The following KCND1 variants were observed in gnomAD, a reference collection of about 807,000 sequenced individuals.
The protein encoded by KCND1 is A-type voltage-gated potassium channel KCND1.
KCND1 carries 11 observed loss-of-function variants against 31.8 expected under a neutral mutation model. That is an observed-to-expected ratio of 0.35 (90% CI 0.22 to 0.57). KCND1 has a LOEUF of 0.57. Among genes scored for constraint, KCND1 ranks in the 20% least tolerant of loss-of-function variants. KCND1 has a pLI of 0.85. For synonymous variants in KCND1, 234 were observed against 248.1 expected, an observed-to-expected ratio of 0.94 and a Z score of 0.53; for missense variants, 471 against 596.8, an observed-to-expected ratio of 0.79 and a Z score of 2.20.
rs1175763024 is a variant in KCND1, at chrX:48,961,544, G to A, written c.*1037C>T. The A allele has an allele frequency of 2.7e-5, 3 of 112,657 alleles. No individual in the cohort carries two copies. The highest frequency in any genetic ancestry group is 1.9e-4 in the Admixed American group (2 of 10,660). 9.3% of individuals were successfully genotyped at this position (112,657 alleles called of 1,213,427 possible). A position where few individuals can be genotyped will look rare whatever the true frequency, so the allele number is the denominator to read the frequency against. On this transcript the variant is annotated 3_prime_UTR_variant, in exon 6 of 6. Coordinates refer to ENST00000218176, the MANE Select transcript of KCND1 (RefSeq NM_004979.6). ...CAAGAGGGAGAAGAAAGGAATATGT[G>A]AAAAGGAATTGTAGGGGAGGAGGAG...
At position 48,970,572 on chromosome X, in the gene KCND1, G is replaced by A; in HGVS notation, c.-301C>T. On this transcript the variant is annotated 5_prime_UTR_variant, in exon 1 of 6. Coordinates refer to ENST00000218176, the MANE Select transcript of KCND1 (RefSeq NM_004979.6). ...TGGGGCCAAGAAGGAGCTGAGGGAG[G>A]GTTTAGAGAGACTGAGATGATTCTA... The A allele has an allele frequency of 7.2e-6, 2 of 277,005 alleles. No homozygotes were observed. The highest frequency in any genetic ancestry group is 1.3e-5 in the Non-Finnish European group (2 of 159,145). The allele number at this position is 277,005 out of a possible 1,213,427, so 22.8% of individuals were successfully genotyped here.
chrX:48,968,124 T>C (rs1464521760), intron 1 of KCND1: 1 of 111,719 alleles, frequency 9.0e-6, no homozygotes, highest in African/African-American at 3.3e-5. Context: ...CTTTTTTTTG[T>C]ACCTCTATGA....
chrX:48,964,012 T>A (rs943417700), intron 5 of KCND1, among the ~76,000 whole-genome samples: 2 of 112,343 alleles, frequency 1.8e-5, no homozygotes, highest in African/African-American at 6.5e-5. Flanking sequence ...GTTATCTGCA[T>A]GGCCCACTCC....
At chrX:48,968,773 G>T (rs1016399455) in intron 1 of KCND1, among the ~76,000 whole-genome samples, 1 of 112,275 alleles carries the variant, frequency 8.9e-6, no homozygotes, top group African/African-American at 3.2e-5. Flanking sequence ...AGAGAAAGAG[G>T]CCAGGCGCGG....
chrX:48,963,778 A>G (rs1340448096), intron 5 of KCND1, among the ~76,000 whole-genome samples: 1 of 111,986 alleles, frequency 8.9e-6, no homozygotes, highest in South Asian at 3.7e-4. Context: ...TGAAAATGCT[A>G]TCTCTCATGG....
chrX:48,970,363 T>C lies in KCND1; in HGVS notation c.-92A>G. On this transcript the variant is annotated 5_prime_UTR_variant, in exon 1 of 6. Coordinates refer to ENST00000218176, the MANE Select transcript of KCND1 (RefSeq NM_004979.6). ...GGATGGTGGGGGCTTGGAGACACCT[T>C]GAGCCACCCAAACAAGGAAACTGGG... 1 of 879,544 alleles carries C rather than the reference T, an allele frequency of 1.1e-6. No individual in the cohort carries two copies. Among genetic ancestry groups the C allele is most frequent in the Non-Finnish European group, 1.6e-6 (1 of 643,937 alleles). The allele number at this position is 879,544 out of a possible 1,213,427, so 72.5% of individuals were successfully genotyped here. A position where few individuals can be genotyped will look rare whatever the true frequency, so the allele number is the denominator to read the frequency against.
At position 48,968,595 on chromosome X, in the gene KCND1, A is replaced by G. The variant is rs142294989; in HGVS notation, c.1121+556T>C. On this transcript the variant is annotated intron_variant, in intron 1 of 5. Transcript: ENST00000218176. ...GCATTTCCCATTTTACAGAGGGGAA[A>G]ACTGAGGCCATGAGAAAACGACATC... Among the ~76,000 whole-genome samples the G allele has an allele frequency of 7.5e-4, 84 of 112,083 alleles. No homozygotes were observed. In the East Asian group the frequency reaches 9.5e-3, roughly 13 times the overall value.
chrX:48,968,551 C>G (rs1444484893), intron 1 of KCND1, among the ~76,000 whole-genome samples: 1 of 111,610 alleles, frequency 9.0e-6, no homozygotes, highest in Non-Finnish European at 1.9e-5. Flanking sequence ...TGAATCCTCT[C>G]TAGATGATGA....
chrX:48,969,559 C>G lies in KCND1; in HGVS notation c.713G>C (p.Cys238Ser). Residue 238 changes from cysteine (C) to serine (S), a missense_variant, in exon 1 of 6, where the codon TGT (cysteine) becomes TCT (serine). Physicochemically the swap from Cys to Ser is moderately radical, Grantham distance 112 (BLOSUM62 -1). Transcript: ENST00000218176. Reference protein sequence around the residue: ...PQAFFCMDTACVLIFTGEYLL... With the variant: ...PQAFFCMDTASVLIFTGEYLL... ...GTATTCACCTGTGAATATGAGTACA[C>G]AGGCTGTGTCCATGCAGAAAAAGGC... is the stretch of plus-strand genomic sequence containing the variant. 1 of 1,210,534 alleles carries G rather than the reference C, an allele frequency of 8.3e-7. No homozygotes were observed. The highest frequency in any genetic ancestry group is 1.7e-5 in the African/African-American group (1 of 57,904).
At chrX:48,965,243 A>G (rs1271542623) in intron 5 of KCND1, among the ~76,000 whole-genome samples, 1 of 109,060 alleles carries the variant, frequency 9.2e-6, no homozygotes, top group African/African-American at 3.3e-5. Flanking sequence ...TAATAGAAAC[A>G]GGGTTTCACC....
At chrX:48,964,874 T>C (rs1304297163) in intron 5 of KCND1, among the ~76,000 whole-genome samples, 2 of 104,159 alleles carry the variant, frequency 1.9e-5, no homozygotes, top group Non-Finnish European at 3.9e-5. Context: ...ATACAAAAAT[T>C]AGCCGGGTAT....
At position 48,962,826 on chromosome X, in the gene KCND1, A is replaced by T; in HGVS notation, c.1719-20T>A. The stretch of plus-strand genomic sequence containing the variant: ...GAACGGCTGTGGACAAGGGTGGAGA[A>T]GATGGAAGGCTCTTAAAAAGTTATC... On this transcript the variant is annotated intron_variant, in intron 5 of 5. Transcript: ENST00000218176. The T allele has an allele frequency of 8.5e-7, 1 of 1,177,985 alleles. No homozygotes were observed. The highest frequency in any genetic ancestry group is 1.2e-6 in the Non-Finnish European group (1 of 867,754).
In KCND1 at chrX:48,969,628, C is replaced by T. The variant is rs200249311; in HGVS notation, c.644G>A (p.Arg215His). 2.3e-5 allele frequency: 28 copies of T among 1,209,662 alleles called. No homozygotes were observed. The highest frequency in any genetic ancestry group is 3.5e-5 in the African/African-American group (2 of 57,537). Residue 215 changes from arginine to histidine, a missense_variant, in exon 1 of 6, where the codon CGC (arginine) becomes CAC (histidine). Around this residue, in one of 3 missense-constraint regions of KCND1, gnomAD observed 212 missense variants for 257.9 expected, o/e 0.82. Coordinates refer to ENST00000218176, the MANE Select transcript of KCND1 (RefSeq NM_004979.6). ...VETIPCRGSA[R>H]RSSREQPCGE... ...ACAGGGCTGCTCCCTTGAGGACCTG[C>T]GTGCAGAGCCGCGGCATGGGATGGT...
At chrX:48,962,919 C>G in intron 5 of KCND1, 113 bp from the exon 6 acceptor site, 1 of 573,040 alleles carries the variant, frequency 1.7e-6, no homozygotes, top group Non-Finnish European at 2.8e-6. Flanking sequence ...AGTGGATCAT[C>G]TGAGGTCAAG....
rs2064375726 is a variant in KCND1, at chrX:48,969,816, C to T, written c.456G>A (p.Glu152=). The part of the protein sequence containing the change: ...ENAERLAEDE[E]AEQAGDGPAL... Reference sequence around the variant, plus strand: ...CTGGGCCGTCCCCGGCCTGCTCTGCCTCCTCATCCTCTGCCAGGCGCTCGG... The same window carrying T: ...CTGGGCCGTCCCCGGCCTGCTCTGCTTCCTCATCCTCTGCCAGGCGCTCGG... Residue 152 remains glutamate, a synonymous_variant, in exon 1 of 6, where the codon GAG becomes GAA. Transcript: ENST00000218176. 3 of 1,209,341 alleles carry T rather than the reference C, an allele frequency of 2.5e-6. No homozygotes were observed. Among genetic ancestry groups the T allele is most frequent in the Non-Finnish European group, 2.2e-6 (2 of 894,389 alleles).
chrX:48,962,485 G>T lies in KCND1; in HGVS notation c.*96C>A. On this transcript the variant is annotated 3_prime_UTR_variant, in exon 6 of 6. Transcript: ENST00000218176. ...GTTCTCAGTGGGGGGGGCAGAAGGG[G>T]TGCCCAAGCCTGCCCCTCTCTGCCT... 2 of 590,971 alleles carry T rather than the reference G, an allele frequency of 3.4e-6. No homozygotes were observed. Among genetic ancestry groups the T allele is most frequent in the Non-Finnish European group, 5.4e-6 (2 of 370,862 alleles). 48.7% of individuals were successfully genotyped at this position (590,971 alleles called of 1,213,427 possible).
rs782248996 is a variant in KCND1 at position 48,969,972 on chromosome X, C to T, written c.300G>A (p.Thr100=). ...CCTGCCGTGGGCAATGCAGCCGCCCCGTTCGGTAGAAGTTCAGCACATGGC... is the reference window on the plus strand; with the variant it reads ...CCTGCCGTGGGCAATGCAGCCGCCCTGTTCGGTAGAAGTTCAGCACATGGC... ...MFRHVLNFYR[T]GRLHCPRQEC... Residue 100 remains threonine, a synonymous_variant, in exon 1 of 6, where the codon ACG becomes ACA. Transcript: ENST00000218176. 1.8e-5 allele frequency: 22 copies of T among 1,210,356 alleles called. No individual in the cohort carries two copies. Among genetic ancestry groups the T allele is most frequent in the Admixed American group, 1.5e-4 (7 of 45,927 alleles).
In KCND1 at chrX:48,966,928, T is replaced by G; in HGVS notation, c.1284+16A>C. 8.3e-7 allele frequency: 1 copy of G among 1,209,159 alleles called. No homozygotes were observed. On this transcript the variant is annotated intron_variant, in intron 2 of 5. Transcript: ENST00000218176. ...GTGTGGGGAGTAGGAGGTGCTCGGA[T>G]GGAAAGTGCGGTTACCTGCTGTGCT...
chrX:48,970,489 C>T lies in KCND1; in HGVS notation c.-218G>A, dbSNP rs1459764566. 8.9e-5 allele frequency: 35 copies of T among 394,777 alleles called. No homozygotes were observed. The highest frequency in any genetic ancestry group is 1.4e-4 in the Non-Finnish European group (32 of 233,053). 32.5% of individuals were successfully genotyped at this position (394,777 alleles called of 1,213,427 possible). A position where few individuals can be genotyped will look rare whatever the true frequency, so the allele number is the denominator to read the frequency against. On this transcript the variant is annotated 5_prime_UTR_variant, in exon 1 of 6. Coordinates refer to ENST00000218176, the MANE Select transcript of KCND1 (RefSeq NM_004979.6). Reference sequence around the variant, plus strand: ...ACCTAGGAGGGGCCTGGGCAATGTTCTGAGGGACTGAGAAGGGCCTTGGGG... The same window carrying T: ...ACCTAGGAGGGGCCTGGGCAATGTTTTGAGGGACTGAGAAGGGCCTTGGGG...
Sources: gnomAD v4.1 joint callset for allele counts (sites outside exome capture counted in the v4.1 genomes callset) on GRCh38, gnomAD v4.1.1 for gene constraint, gnomAD v4.1.1 regional missense constraint, MANE v1.5 for transcripts, NCBI Gene and HGNC (gene_info 2026-07-23, HGNC 2026-07-21) for gene names.